COL24A1: variants seen among roughly 807,000 people sequenced by gnomAD.
COL24A1 encodes the protein collagen alpha-1(XXIV) chain.
A neutral mutation model predicts 253.9 loss-of-function variants in COL24A1; 224 were observed. The ratio of observed to expected loss-of-function variants is 0.88; its 90% CI spans 0.79 to 0.99. The LOEUF (loss-of-function observed/expected upper bound fraction) is 0.99. COL24A1 is among the 50% of genes least tolerant of loss of function. The pLI is 0.00. For synonymous variants in COL24A1, 685 were observed against 673.7 expected, an observed-to-expected ratio of 1.02 and a Z score of -0.26; for missense variants, 2,131 against 2,068.5, an observed-to-expected ratio of 1.03 and a Z score of -0.59.
intron 24 of COL24A1, among the ~76,000 whole-genome samples, chr1:85,941,179 TGC>T (rs1688724635): frequency 6.6e-6 from 1 of 152,212 alleles, no homozygotes. Flanking sequence ...TATGCTTATA[TGC>T]AGAACATTAT....
chr1:86,016,987 A>C (rs1042554516), intron 19 of COL24A1, among the ~76,000 whole-genome samples, 164 bp downstream of exon 19: 4 of 152,204 alleles, frequency 2.6e-5, no homozygotes, highest in African/African-American at 9.7e-5. Flanking sequence ...TCCCTGTTGC[A>C]TACCTCGTGA....
chr1:85,993,060 G>GACTA (rs1694438735), intron 19 of COL24A1, among the ~76,000 whole-genome samples: 1 of 152,016 alleles, frequency 6.6e-6, no homozygotes, highest in African/African-American at 2.4e-5. Flanking sequence ...AGAGGCTGGA[G>GACTA]ACTAATTCAC....
At chr1:86,018,077 A>C (rs1207089486) in intron 18 of COL24A1, among the ~76,000 whole-genome samples, 1 of 152,208 alleles carries the variant, frequency 6.6e-6, no homozygotes, top group Non-Finnish European at 1.5e-5. Context: ...GAAAGGGAGG[A>C]CAGTAGTCTG....
chr1:86,045,953 G>T, intron 12 of COL24A1: 1 of 353,790 alleles, frequency 2.8e-6, no homozygotes, highest in Non-Finnish European at 5.6e-6. Flanking sequence ...ATTCAGTGGA[G>T]CTTTGCTCAA....
chr1:85,815,061 C>G (rs1672923589), intron 47 of COL24A1, among the ~76,000 whole-genome samples: 1 of 152,056 alleles, frequency 6.6e-6, no homozygotes, highest in South Asian at 2.1e-4. Context: ...GTCCATCCAC[C>G]CCACCTCCAT....
intron 20 of COL24A1, among the ~76,000 whole-genome samples, chr1:85,984,502 A>G (rs964311505): frequency 2.0e-5 from 3 of 151,868 alleles, no homozygotes; most frequent in Non-Finnish European, 4.4e-5. Flanking sequence ...TACTTGGTCT[A>G]ACACAGAAGA....
At chr1:86,128,052 TA>T (rs1648586059) in intron 2 of COL24A1, among the ~76,000 whole-genome samples, 1 of 152,060 alleles carries the variant, frequency 6.6e-6, no homozygotes, top group African/African-American at 2.4e-5. Flanking sequence ...AAAATATTCC[TA>T]ACACCAGTGT....
chr1:85,761,700 T>C (rs1666867011), intron 53 of COL24A1, 134 bp from the exon 54 acceptor site: 1 of 805,238 alleles, frequency 1.2e-6, no homozygotes, highest in East Asian at 2.6e-5. Flanking sequence ...TGTTTTAGTA[T>C]TCTAAAGTTA....
At chr1:85,862,257 T>C (rs547103628) in intron 37 of COL24A1, among the ~76,000 whole-genome samples, 5 of 152,296 alleles carry the variant, frequency 3.3e-5, no homozygotes, top group African/African-American at 9.6e-5. Context: ...ATCCCTAATG[T>C]TTAGCAGAGT....
At chr1:86,017,931 AT>A in intron 18 of COL24A1, among the ~76,000 whole-genome samples, 1 of 152,266 alleles carries the variant, frequency 6.6e-6, no homozygotes, top group African/African-American at 2.4e-5. Context: ...CAGTTTCAGT[AT>A]CTCTGAAGCT....
intron 19 of COL24A1, among the ~76,000 whole-genome samples, chr1:85,994,888 T>C (rs1694630482): frequency 6.6e-6 from 1 of 152,206 alleles, no homozygotes; most frequent in Non-Finnish European, 1.5e-5. Context: ...CATTTTCTTT[T>C]GCTGTTTTAG....
chr1:86,039,961 T>C (rs1443186086), intron 12 of COL24A1, among the ~76,000 whole-genome samples: 1 of 152,180 alleles, frequency 6.6e-6, no homozygotes, highest in Non-Finnish European at 1.5e-5. Context: ...ATTCTAAACT[T>C]CATCAGAAAC....
intron 55 of COL24A1, among the ~76,000 whole-genome samples, chr1:85,747,887 T>C (rs1319294660): frequency 6.6e-6 from 1 of 152,182 alleles, no homozygotes; most frequent in Admixed American, 6.6e-5. Context: ...TATACTTTCA[T>C]AGGTCTTTTG....
At chr1:85,990,774 C>G (rs1571502343) in intron 19 of COL24A1, among the ~76,000 whole-genome samples, 2 of 152,236 alleles carry the variant, frequency 1.3e-5, no homozygotes, top group East Asian at 3.9e-4. Flanking sequence ...TGAAACACAT[C>G]AAATATGTTT....
At chr1:85,803,584 G>T (rs1372905816) in intron 47 of COL24A1, among the ~76,000 whole-genome samples, 2 of 128,500 alleles carry the variant, frequency 1.6e-5, no homozygotes, top group African/African-American at 5.5e-5. Context: ...ATATAGGTTT[G>T]CACTTTTTTT....
intron 4 of COL24A1, among the ~76,000 whole-genome samples, chr1:86,114,562 T>A (rs1705939567): frequency 6.6e-6 from 1 of 152,164 alleles, no homozygotes; most frequent in Non-Finnish European, 1.5e-5. Flanking sequence ...GAATTTTTTT[T>A]AATGCAAAAC....
chr1:85,965,212 C>G, intron 22 of COL24A1, 150 bp from the exon 23 acceptor site: 1 of 642,250 alleles, frequency 1.6e-6, no homozygotes, highest in South Asian at 2.7e-5. Context: ...TACTCATTTG[C>G]CATTCATTCT....
chr1:85,746,496 G>T (rs1457786528), intron 55 of COL24A1, among the ~76,000 whole-genome samples: 1 of 152,100 alleles, frequency 6.6e-6, no homozygotes, highest in Admixed American at 6.6e-5. Context: ...ATTTAGAGAG[G>T]AGATAGGCAA....
intron 4 of COL24A1, among the ~76,000 whole-genome samples, chr1:86,113,541 G>C (rs951643403): frequency 6.6e-6 from 1 of 152,066 alleles, no homozygotes; most frequent in Non-Finnish European, 1.5e-5. Flanking sequence ...AAAGAAAAAA[G>C]ATTAAATTTT....
Sources: allele counts gnomAD v4.1 joint callset (sites outside exome capture counted in the v4.1 genomes callset), GRCh38; gene constraint gnomAD v4.1.1; transcripts MANE v1.5; gene names NCBI Gene and HGNC (gene_info 2026-07-23, HGNC 2026-07-21).